The following GHR variants were observed in gnomAD, a reference collection of about 807,000 sequenced individuals.
GHR encodes growth hormone receptor, also known as GH receptor.
A neutral mutation model predicts 67.1 loss-of-function variants in GHR; 35 were observed. The ratio of observed to expected loss-of-function variants is 0.52; its 90% confidence interval spans 0.40 to 0.69. GHR has a LOEUF of 0.69. GHR is among the 30% of genes least tolerant of loss of function. The pLI is 0.00. For synonymous variants in GHR, 272 were observed against 269.1 expected (o/e 1.01, Z -0.10); for missense variants, 792 against 764.6 (o/e 1.04, Z -0.42).
rs957284699 is a variant in GHR, at chr5:42,674,532, C to A, written c.137-14358C>A. On this transcript the variant is annotated intron_variant, in intron 3 of 9. Coordinates refer to ENST00000230882, the MANE Select transcript of GHR (RefSeq NM_000163.5). The stretch of plus-strand genomic sequence containing the variant: ...GTTTCCCATTCACCTCATTTCCTGG[C>A]AACCACTAATCTACTTTTCTGTCTC... 1.6e-4 allele frequency among the ~76,000 whole-genome samples: 25 copies of A among 152,252 alleles called. 1 individual carries two copies. Among genetic ancestry groups the A allele is most frequent in the African/African-American group, 5.5e-4 (23 of 41,546 alleles).
rs35357870 is a variant in GHR at position 42,441,514 on chromosome 5, GTT to G, written c.-12+17571_-12+17572del. ...AGGAGGAAATGGAGTTAAAGGAGGAGTTTTTTTTTTTTTGAGACGGAGTCTCG... is the reference window on the plus strand; with the variant it reads ...AGGAGGAAATGGAGTTAAAGGAGGAGTTTTTTTTTTTGAGACGGAGTCTCG... On this transcript the variant is annotated intron_variant, in intron 1 of 9. Coordinates refer to ENST00000230882, the MANE Select transcript of GHR (RefSeq NM_000163.5). Among the ~76,000 whole-genome samples the G allele has an allele frequency of 3.0e-3, 436 of 147,004 alleles. 1 individual carries two copies. Among genetic ancestry groups the G allele is most frequent in the African/African-American group, 9.8e-3 (396 of 40,274 alleles).
intron 3 of GHR, among the ~76,000 whole-genome samples, chr5:42,681,422 C>A (rs963879436): frequency 1.3e-5 from 2 of 152,142 alleles, no homozygotes; most frequent in African/African-American, 4.8e-5. Flanking sequence ...CATTTCACAC[C>A]AGTTAGAATG....
intron 2 of GHR, among the ~76,000 whole-genome samples, chr5:42,598,564 A>G (rs530864347): frequency 2.6e-5 from 4 of 152,332 alleles, no homozygotes; most frequent in Admixed American, 1.3e-4. Context: ...AGTAGTCTTC[A>G]TATTTATTCT....
At chr5:42,566,139 C>T (rs542460611) in intron 2 of GHR, among the ~76,000 whole-genome samples, 195 bp downstream of exon 2, 1 of 152,334 alleles carries the variant, frequency 6.6e-6, no homozygotes, top group Admixed American at 6.5e-5. Context: ...ATGCAGTAGT[C>T]AGTCAACTTT....
At chr5:42,438,642 C>CTGTAGGAGG (rs1434407398) in intron 1 of GHR, among the ~76,000 whole-genome samples, 10 of 152,180 alleles carry the variant, frequency 6.6e-5, no homozygotes, top group Non-Finnish European at 1.3e-4. Flanking sequence ...CAGACAGCTT[C>CTGTAGGAGG]AAATGAGGAC....
intron 1 of GHR, among the ~76,000 whole-genome samples, chr5:42,471,418 A>C (rs1387491025): frequency 6.6e-6 from 1 of 152,238 alleles, no homozygotes; most frequent in Non-Finnish European, 1.5e-5. Flanking sequence ...TGGAAAATCA[A>C]GCAGTTTTTG....
chr5:42,652,580 C>CT (rs1448400036), intron 3 of GHR, among the ~76,000 whole-genome samples: 2 of 152,104 alleles, frequency 1.3e-5, no homozygotes, highest in African/African-American at 4.8e-5. Flanking sequence ...ATATAGACTG[C>CT]TTGCAGTTCC....
chr5:42,520,985 ACT>A (rs1747449898), intron 1 of GHR, among the ~76,000 whole-genome samples: 1 of 152,044 alleles, frequency 6.6e-6, no homozygotes. Flanking sequence ...TGTCCTTTTC[ACT>A]GTTTTTCTTT....
chr5:42,448,641 G>C (rs778426652), intron 1 of GHR, among the ~76,000 whole-genome samples: 1 of 149,730 alleles, frequency 6.7e-6, no homozygotes, highest in African/African-American at 2.4e-5. Context: ...TAATTAATTA[G>C]GTCCAATTTG....
intron 1 of GHR, among the ~76,000 whole-genome samples, chr5:42,539,940 G>C (rs1748428183): frequency 6.6e-6 from 1 of 152,152 alleles, no homozygotes. Flanking sequence ...ATTAAGTACT[G>C]TATAGGTTTT....
intron 1 of GHR, among the ~76,000 whole-genome samples, chr5:42,532,060 A>G (rs1747996149): frequency 6.6e-6 from 1 of 151,938 alleles, no homozygotes; most frequent in Non-Finnish European, 1.5e-5. Context: ...GCCTGACAAT[A>G]TCACATATGA....
intron 1 of GHR, among the ~76,000 whole-genome samples, chr5:42,557,071 A>T (rs1030170373): frequency 6.6e-5 from 10 of 152,330 alleles, no homozygotes; most frequent in African/African-American, 2.4e-4. Context: ...AAAACAAATT[A>T]TCCAAACCTA....
intron 1 of GHR, among the ~76,000 whole-genome samples, chr5:42,476,006 G>A (rs1745294484): frequency 1.3e-5 from 2 of 150,332 alleles, no homozygotes; most frequent in African/African-American, 2.5e-5. Context: ...CCAGGCTCAC[G>A]CCATTCTCCT....
chr5:42,519,343 A>G (rs34588004), intron 1 of GHR, among the ~76,000 whole-genome samples: 6 of 152,182 alleles, frequency 3.9e-5, no homozygotes, highest in Admixed American at 3.3e-4. Context: ...CATTTTTCCC[A>G]TTATTCCTCA....
At chr5:42,662,943 A>G (rs1755729978) in intron 3 of GHR, among the ~76,000 whole-genome samples, 1 of 152,210 alleles carries the variant, frequency 6.6e-6, no homozygotes, top group African/African-American at 2.4e-5. Flanking sequence ...AATGCAAACT[A>G]CCATCAGAGA....
At chr5:42,651,691 T>C (rs1262244855) in intron 3 of GHR, among the ~76,000 whole-genome samples, 3 of 152,156 alleles carry the variant, frequency 2.0e-5, no homozygotes, top group Non-Finnish European at 2.9e-5. Flanking sequence ...AGAAGATGGA[T>C]GGTGGTTTTT....
At chr5:42,444,010 T>TAG (rs1394067307) in intron 1 of GHR, among the ~76,000 whole-genome samples, 221 of 137,538 alleles carry the variant, frequency 1.6e-3, no homozygotes, top group Non-Finnish European at 2.9e-3. Context: ...CATAGATAGA[T>TAG]ATAGATATAG....
intron 7 of GHR, among the ~76,000 whole-genome samples, chr5:42,712,703 A>G (rs958036221): frequency 6.6e-6 from 1 of 152,092 alleles, no homozygotes; most frequent in African/African-American, 2.4e-5. Context: ...TACCAACTGC[A>G]AAGTAGCTGG....
rs774761812 is a variant in GHR, at chr5:42,711,321, G to A, written c.733G>A (p.Glu245Lys). The change falls in exon 7 of 10, where the codon GAG becomes AAG. Residue 245 changes from glutamate (E) to lysine (K), a missense_variant. Physicochemically the swap from Glu to Lys is moderately conservative, Grantham distance 56. Transcript: ENST00000230882. Reference protein sequence around the residue: ...RNSGNYGEFSEVLYVTLPQMS... With the variant: ...RNSGNYGEFSKVLYVTLPQMS... The stretch of plus-strand genomic sequence containing the variant: ...CTCTGGAAATTATGGCGAGTTCAGT[G>A]AGGTGCTCTATGTAACACTTCCTCA... 3 of 1,613,230 alleles carry A rather than the reference G, an allele frequency of 1.9e-6. No individual in the cohort carries two copies. The highest frequency in any genetic ancestry group is 4.5e-5 in the East Asian group (2 of 44,880).
Sources: allele counts gnomAD v4.1 joint callset (sites outside exome capture counted in the v4.1 genomes callset), GRCh38; gene constraint gnomAD v4.1.1; transcripts MANE v1.5; gene names NCBI Gene and HGNC (gene_info 2026-07-23, HGNC 2026-07-21).